The following DOCK4 variants were observed in gnomAD, a reference collection of about 807,000 sequenced individuals.
DOCK4 encodes dedicator of cytokinesis 4.
Under a neutral mutation model 268.1 loss-of-function variants are expected in DOCK4, and 97 were observed. The ratio of observed to expected loss-of-function variants is 0.36; its 90% CI spans 0.31 to 0.43. The LOEUF is 0.43. DOCK4 is among the 20% of genes least tolerant of loss of function. DOCK4 has a pLI of 1.00. For missense variants in DOCK4, 2,145 were observed against 2,455.7 expected, an observed-to-expected ratio of 0.87 and a Z score of 2.67; for synonymous variants, 954 against 887.2, an observed-to-expected ratio of 1.08 and a Z score of -1.34.
chr7:111,946,622 C>G (rs1177959168), intron 8 of DOCK4, among the ~76,000 whole-genome samples: 2 of 152,140 alleles, frequency 1.3e-5, no homozygotes, highest in African/African-American at 4.8e-5. Flanking sequence ...TGCTCTATCA[C>G]CCAGGCTGGA....
At chr7:111,941,974 C>T (rs969396880) in intron 10 of DOCK4, among the ~76,000 whole-genome samples, 8 of 152,168 alleles carry the variant, frequency 5.3e-5, no homozygotes, top group Non-Finnish European at 7.3e-5. Flanking sequence ...CGTTAAGCCA[C>T]GGCTTTAGAC....
chr7:112,126,557 T>C (rs534189070), intron 1 of DOCK4, among the ~76,000 whole-genome samples: 46 of 152,036 alleles, frequency 3.0e-4, no homozygotes, highest in African/African-American at 1.0e-3. Flanking sequence ...AATTGACAAA[T>C]GGGATCTAAT....
chr7:112,133,058 A>C (rs140217429), intron 1 of DOCK4, among the ~76,000 whole-genome samples: 5 of 152,282 alleles, frequency 3.3e-5, no homozygotes, highest in South Asian at 2.1e-4. Context: ...AGAATTTTCT[A>C]CTTCTCTAAT....
intron 12 of DOCK4, 133 bp downstream of exon 12, chr7:111,935,407 T>G: frequency 1.3e-6 from 1 of 757,352 alleles, no homozygotes; most frequent in East Asian, 2.6e-5. Context: ...AGAATGTTCA[T>G]TGAGCATTTT....
Position 111,728,549 on chromosome 7 carries a change from G to C in DOCK4, c.5653C>G (p.Leu1885Val). Residue 1885 changes from leucine to valine, a missense_variant, in exon 53 of 53, where the codon CTG (leucine) becomes GTG (valine). By Grantham distance (32) the Leu-to-Val change is conservative. This residue lies in a region of DOCK4 where 547 missense variants were observed against 469.0 expected (regional missense o/e 1.17). Transcript: ENST00000428084. ...ENQVNEQSAP[L>V]PVPVPVPVPS... is the part of the protein sequence containing the mutation. ...ACGGGCACCGGCACTGGCACCGGCA[G>C]GGGGGCCGACTGTTCATTCACCTGA... The C allele has an allele frequency of 6.2e-7, 1 of 1,613,762 alleles. No homozygotes were observed. Among genetic ancestry groups the C allele is most frequent in the Non-Finnish European group, 8.5e-7 (1 of 1,179,808 alleles).
At chr7:111,895,168 C>T (rs1808638349) in intron 16 of DOCK4, among the ~76,000 whole-genome samples, 1 of 152,132 alleles carries the variant, frequency 6.6e-6, no homozygotes, top group Non-Finnish European at 1.5e-5. Context: ...ATAAGAACTG[C>T]TAAAGTTGTC....
At chr7:112,170,387 G>C (rs1817984421) in intron 1 of DOCK4, among the ~76,000 whole-genome samples, 1 of 152,098 alleles carries the variant, frequency 6.6e-6, no homozygotes, top group Non-Finnish European at 1.5e-5. Flanking sequence ...CTTGAGATCA[G>C]GAGGGTGAGG....
Position 111,834,673 on chromosome 7 carries a change from G to T in DOCK4, c.2750C>A (p.Ala917Asp). 1 of 1,524,866 alleles carries T rather than the reference G, an allele frequency of 6.6e-7. No individual in the cohort carries two copies. 94.5% of individuals were successfully genotyped at this position (1,524,866 alleles called of 1,614,324 possible). ...QFQDVTGEFV[A>D]CLLSLLRQMT... ...TTGTCGTAATAGGGACAGGAGACAAGCAACAAACTCCCCCTAAGTTAAAAA... is the reference window on the plus strand; with the variant it reads ...TTGTCGTAATAGGGACAGGAGACAATCAACAAACTCCCCCTAAGTTAAAAA... Residue 917 changes from alanine (A) to aspartate (D), a missense_variant, in exon 26 of 53, where the codon GCT becomes GAT. Physicochemically the swap from Ala to Asp is moderately radical, Grantham distance 126 (BLOSUM62 -2). Coordinates refer to ENST00000428084, the MANE Select transcript of DOCK4 (RefSeq NM_001363540.2).
At chr7:112,174,744 T>A (rs1334206169) in intron 1 of DOCK4, among the ~76,000 whole-genome samples, 3 of 152,118 alleles carry the variant, frequency 2.0e-5, no homozygotes, top group Non-Finnish European at 4.4e-5. Context: ...CCCAGAAACC[T>A]GTAATACCAT....
chr7:112,197,694 T>C (rs1587035572), intron 1 of DOCK4, among the ~76,000 whole-genome samples: 2 of 152,306 alleles, frequency 1.3e-5, no homozygotes, highest in African/African-American at 4.8e-5. Context: ...TTGGGGTCTG[T>C]CATGTTAAAA....
intron 8 of DOCK4, among the ~76,000 whole-genome samples, chr7:111,969,704 A>G (rs1285963210): frequency 6.6e-6 from 1 of 151,760 alleles, no homozygotes; most frequent in Admixed American, 6.6e-5. Context: ...TTTACTGTCT[A>G]TTGTAGATTA....
chr7:112,149,613 T>C (rs1815864635), intron 1 of DOCK4, among the ~76,000 whole-genome samples: 1 of 151,836 alleles, frequency 6.6e-6, no homozygotes, highest in Admixed American at 6.6e-5. Context: ...AGATCAACCA[T>C]CCCATCATGG....
At chr7:112,004,839 G>T (rs1487988124) in intron 1 of DOCK4, among the ~76,000 whole-genome samples, 2 of 152,172 alleles carry the variant, frequency 1.3e-5, no homozygotes, top group Non-Finnish European at 2.9e-5. Context: ...TAGATTAATG[G>T]TTTAGATTAA....
At chr7:111,790,983 G>A (rs969444220) in intron 30 of DOCK4, among the ~76,000 whole-genome samples, 41 of 149,876 alleles carry the variant, frequency 2.7e-4, no homozygotes, top group Non-Finnish European at 4.1e-4. Flanking sequence ...GCATGAACCC[G>A]GGAGGCGGAG....
intron 39 of DOCK4, 126 bp from the exon 40 acceptor site, chr7:111,760,448 C>A (rs557691874): frequency 3.2e-6 from 3 of 948,310 alleles, no homozygotes; most frequent in South Asian, 1.8e-5. Flanking sequence ...ACAAAAATTA[C>A]GCTGGAACAA....
intron 1 of DOCK4, among the ~76,000 whole-genome samples, chr7:112,195,106 C>T (rs1297552776): frequency 6.6e-6 from 1 of 152,104 alleles, no homozygotes; most frequent in Non-Finnish European, 1.5e-5. Context: ...TGGTGAAACC[C>T]CATCTCTACT....
Position 112,034,768 on chromosome 7 carries a change from G to A in DOCK4, c.38-30637C>T, listed in dbSNP as rs145808142. Among the ~76,000 whole-genome samples the A allele has an allele frequency of 2.2e-3, 335 of 152,266 alleles. 1 individual carries two copies. The highest frequency in any genetic ancestry group is 7.6e-3 in the African/African-American group (317 of 41,562). On this transcript the variant is annotated intron_variant, in intron 1 of 52. Coordinates refer to ENST00000428084, the MANE Select transcript of DOCK4 (RefSeq NM_001363540.2). ...CACAAAAATTAGTGTTTGGTGTGGTGGCGTGCACCTGTAATCCCGGCTACT... is the reference window on the plus strand; with the variant it reads ...CACAAAAATTAGTGTTTGGTGTGGTAGCGTGCACCTGTAATCCCGGCTACT...
At chr7:112,031,515 A>C (rs1803271127) in intron 1 of DOCK4, among the ~76,000 whole-genome samples, 1 of 152,144 alleles carries the variant, frequency 6.6e-6, no homozygotes, top group Non-Finnish European at 1.5e-5. Flanking sequence ...CAAACTTCTC[A>C]GAAAGAAAAC....
intron 1 of DOCK4, among the ~76,000 whole-genome samples, chr7:112,101,263 T>C (rs1810651684): frequency 6.6e-6 from 1 of 152,246 alleles, no homozygotes; most frequent in Non-Finnish European, 1.5e-5. Context: ...TGATTTACTA[T>C]ATATTTCACA....
Sources: gnomAD v4.1 joint callset for allele counts (sites outside exome capture counted in the v4.1 genomes callset) on GRCh38, gnomAD v4.1.1 for gene constraint, gnomAD v4.1.1 regional missense constraint, MANE v1.5 for transcripts, NCBI Gene and HGNC (gene_info 2026-07-23, HGNC 2026-07-21) for gene names.